Variants in PXDN observed in about 807,000 individuals in gnomAD.
PXDN encodes the protein peroxidasin homolog.
Under a neutral mutation model 140.3 loss-of-function variants are expected in PXDN, and 77 were observed. That is an observed-to-expected ratio of 0.55 (90% CI 0.46 to 0.66). The LOEUF is 0.66. Among genes scored for constraint, PXDN ranks in the 30% least tolerant of loss-of-function variants. The probability of loss-of-function intolerance (pLI) is 0.00; values close to 1 mark genes in which losing one functional copy is unlikely to be tolerated. For missense variants in PXDN, 1,838 were observed against 2,039.5 expected, an observed-to-expected ratio of 0.90 and a Z score of 1.90; for synonymous variants, 911 against 857.4, an observed-to-expected ratio of 1.06 and a Z score of -1.09.
In PXDN at chr2:1,673,632, C is replaced by G. The variant is rs1683628407; in HGVS notation, c.1018+11G>C. On this transcript the variant is annotated intron_variant, in intron 9 of 22. Coordinates refer to ENST00000252804, the MANE Select transcript of PXDN (RefSeq NM_012293.3). Reference sequence around the variant, plus strand: ...TGGATGGAACCCCGGTGTGAAATGCCCGCCACATACCTGGAGACCCGAAGT... The same window carrying G: ...TGGATGGAACCCCGGTGTGAAATGCGCGCCACATACCTGGAGACCCGAAGT... 6.3e-7 allele frequency: 1 copy of G among 1,598,916 alleles called. No individual in the cohort carries two copies. The highest frequency in any genetic ancestry group is 1.3e-5 in the African/African-American group (1 of 74,770).
Position 1,744,282 on chromosome 2 carries a change from G to T in PXDN, c.174C>A (p.Pro58=). Residue 58 remains proline, a synonymous_variant, in exon 1 of 23, where the codon CCC becomes CCA. Transcript: ENST00000252804. The part of the protein sequence containing the change: ...RCMHLLLEAV[P]AVAPQTSILD... ...GGATGGAGGTCTGCGGCGCCACGGC[G>T]GGCACGGCCTCCAGCAGCAGATGCA... 6.6e-7 allele frequency: 1 copy of T among 1,519,618 alleles called. No individual in the cohort carries two copies. The highest frequency in any genetic ancestry group is 8.8e-7 in the Non-Finnish European group (1 of 1,139,744). The allele number at this position is 1,519,618 out of a possible 1,614,324, so 94.1% of individuals were successfully genotyped here. A position where few individuals can be genotyped will look rare whatever the true frequency, so the allele number is the denominator to read the frequency against.
chr2:1,723,420 G>T lies in PXDN; in HGVS notation c.200+20836C>A, dbSNP rs572875928. On this transcript the variant is annotated intron_variant, in intron 1 of 22. Transcript: ENST00000252804. ...TGAATGTATTAATGGGTGGGTGGAT[G>T]ACTGGATAAATAGATGGATGAGTGG... 3.3e-5 allele frequency among the ~76,000 whole-genome samples: 5 copies of T among 151,948 alleles called. No individual in the cohort carries two copies. The East Asian group carries it at 9.8e-4, about 30-fold the overall frequency.
At chr2:1,737,387 C>T (rs1408441506) in intron 1 of PXDN, among the ~76,000 whole-genome samples, 4 of 152,144 alleles carry the variant, frequency 2.6e-5, no homozygotes, top group Admixed American at 6.5e-5. Context: ...CACGAAACAG[C>T]GGACAGTCTA....
intron 14 of PXDN, among the ~76,000 whole-genome samples, chr2:1,659,078 A>C (rs1455036042): frequency 2.6e-5 from 4 of 152,194 alleles, no homozygotes; most frequent in Non-Finnish European, 5.9e-5. Flanking sequence ...CATTTGCTGA[A>C]CGAACGACCA....
intron 8 of PXDN, among the ~76,000 whole-genome samples, chr2:1,675,357 T>G (rs570430736): frequency 6.6e-6 from 1 of 152,156 alleles, no homozygotes; most frequent in Non-Finnish European, 1.5e-5. Flanking sequence ...CGGGCATCAA[T>G]TTTTTCGTAT....
At chr2:1,710,669 G>A (rs1426218197) in intron 1 of PXDN, among the ~76,000 whole-genome samples, 61 of 83,776 alleles carry the variant, frequency 7.3e-4, no homozygotes, top group Middle Eastern at 8.9e-3. Context: ...ACCAGCACCC[G>A]CTCTACCAGC....
intron 7 of PXDN, among the ~76,000 whole-genome samples, chr2:1,679,034 C>G (rs1301697142): frequency 1.3e-5 from 2 of 152,070 alleles, no homozygotes; most frequent in Non-Finnish European, 2.9e-5. Flanking sequence ...ACAAAACCAT[C>G]ACACAGGGAG....
At chr2:1,715,740 G>A (rs916340603) in intron 1 of PXDN, among the ~76,000 whole-genome samples, 4 of 152,192 alleles carry the variant, frequency 2.6e-5, no homozygotes, top group Non-Finnish European at 5.9e-5. Flanking sequence ...ACAGAGACCA[G>A]AGCGGCAGGT....
At chr2:1,667,700 T>C (rs565034985) in intron 9 of PXDN, among the ~76,000 whole-genome samples, 24 of 152,184 alleles carry the variant, frequency 1.6e-4, no homozygotes, top group Admixed American at 1.3e-3. Context: ...CTCCCATTCA[T>C]GATTGCTACA....
Position 1,684,284 on chromosome 2 carries a change from T to C in PXDN, c.417-133A>G, listed in dbSNP as rs929492401. 11 of 689,588 alleles carry C rather than the reference T, an allele frequency of 1.6e-5. No individual in the cohort carries two copies. The African/African-American group carries it at 1.8e-4, about 11-fold the overall frequency. 42.7% of individuals were successfully genotyped at this position (689,588 alleles called of 1,614,324 possible). A position where few individuals can be genotyped will look rare whatever the true frequency, so the allele number is the denominator to read the frequency against. The stretch of plus-strand genomic sequence containing the variant: ...TAGCTCACTCACTAGACTTCCTACA[T>C]TGTATGAACAATACATAAAATTATC... On this transcript the variant is annotated intron_variant, in intron 4 of 22. Transcript: ENST00000252804.
At chr2:1,656,919 GT>G (rs1683151509) in intron 14 of PXDN, among the ~76,000 whole-genome samples, 1 of 144,688 alleles carries the variant, frequency 6.9e-6, no homozygotes, top group South Asian at 2.2e-4. Context: ...ACTGGAACCT[GT>G]CCCCTCCTGA....
chr2:1,710,691 G>C (rs1214461623), intron 1 of PXDN, among the ~76,000 whole-genome samples: 9 of 96,290 alleles, frequency 9.3e-5, no homozygotes, highest in African/African-American at 3.6e-4. Flanking sequence ...CCCACTCTAT[G>C]AACACCCACT....
At chr2:1,635,977 G>C (rs116330416) in intron 21 of PXDN, 1 of 283,810 alleles carries the variant, frequency 3.5e-6, no homozygotes, top group South Asian at 3.6e-5. Context: ...CACAGGGGTA[G>C]CAGAAGCCTC....
rs980310689 is a variant in PXDN at position 1,713,855 on chromosome 2, T to G, written c.201-20721A>C. On this transcript the variant is annotated intron_variant, in intron 1 of 22. Coordinates refer to ENST00000252804, the MANE Select transcript of PXDN (RefSeq NM_012293.3). The stretch of plus-strand genomic sequence containing the variant: ...GTCCTGGGGTGTTCACTGACCCCAT[T>G]TTTTTGGTATTGCTTAAAAAGAGAC... Among the ~76,000 whole-genome samples, 3 of 152,348 alleles carry G rather than the reference T, an allele frequency of 2.0e-5. 1 individual carries two copies. In the South Asian group the frequency reaches 6.2e-4, roughly 32 times the overall value.
rs6730800 is a variant in PXDN at position 1,643,399 on chromosome 2, T to A, written c.3921A>T (p.Val1307=). ...GYGSCDEIPR[V]DLRVWQDCCE... ...AGCAGTCCTGCCACACCCGGAGGTC[T>A]ACCCTGGGGATCTCGTCACAGCTGC... The change falls in exon 19 of 23, where the codon GTA becomes GTT. Residue 1307 remains valine (V), a synonymous_variant. Transcript: ENST00000252804. The A allele has an allele frequency of 1.9e-6, 3 of 1,613,758 alleles. No homozygotes were observed. The highest frequency in any genetic ancestry group is 2.2e-5 in the South Asian group (2 of 91,072).
intron 1 of PXDN, among the ~76,000 whole-genome samples, chr2:1,705,112 C>T (rs563887766): frequency 2.5e-4 from 26 of 104,380 alleles, no homozygotes; most frequent in South Asian, 1.5e-3. Context: ...ACGTGAGAGC[C>T]GTGAGAGCAG....
chr2:1,716,526 G>A (rs1684900377), intron 1 of PXDN, among the ~76,000 whole-genome samples: 2 of 151,542 alleles, frequency 1.3e-5, no homozygotes, highest in Admixed American at 1.3e-4. Context: ...GGATATAAGA[G>A]GTGTACAGTG....
At chr2:1,734,595 A>G (rs1182313101) in intron 1 of PXDN, among the ~76,000 whole-genome samples, 1 of 152,220 alleles carries the variant, frequency 6.6e-6, no homozygotes, top group Non-Finnish European at 1.5e-5. Context: ...TCGGCCAGGC[A>G]TGGTGGCTCA....
intron 19 of PXDN, among the ~76,000 whole-genome samples, chr2:1,642,259 G>A (rs763174674): frequency 2.0e-5 from 3 of 151,992 alleles, no homozygotes; most frequent in Non-Finnish European, 2.9e-5. Flanking sequence ...CCCCACAGTC[G>A]CACACAGACA....
Sources: gnomAD v4.1 joint callset for allele counts (sites outside exome capture counted in the v4.1 genomes callset) on GRCh38, gnomAD v4.1.1 for gene constraint, MANE v1.5 for transcripts, NCBI Gene and HGNC (gene_info 2026-07-23, HGNC 2026-07-21) for gene names.